PTPRE: variants seen among roughly 807,000 people sequenced by gnomAD.
PTPRE encodes receptor-type tyrosine-protein phosphatase epsilon.
PTPRE carries 51 observed loss-of-function variants against 102.0 expected under a neutral mutation model. That is an observed-to-expected ratio of 0.50 (90% CI 0.40 to 0.63). PTPRE has a LOEUF of 0.63. PTPRE is among the 30% of genes least tolerant of loss of function. The pLI is 0.00. For missense variants in PTPRE, 752 were observed against 915.1 expected, an observed-to-expected ratio of 0.82 and a Z score of 2.30; for synonymous variants, 345 against 348.2, an observed-to-expected ratio of 0.99 and a Z score of 0.10.
At chr10:128,025,757 G>A (rs1421341617) in intron 2 of PTPRE, among the ~76,000 whole-genome samples, 1 of 152,122 alleles carries the variant, frequency 6.6e-6, no homozygotes, top group East Asian at 1.9e-4. Context: ...TTGCCACCAG[G>A]ACCTGCTCCA....
At chr10:127,978,643 G>C (rs527989435) in intron 1 of PTPRE, among the ~76,000 whole-genome samples, 3 of 152,176 alleles carry the variant, frequency 2.0e-5, no homozygotes, top group Admixed American at 6.5e-5. Context: ...CAGCAGCCCC[G>C]GGCCGGCATT....
chr10:128,044,961 G>T (rs959079654), intron 3 of PTPRE, among the ~76,000 whole-genome samples: 1 of 152,236 alleles, frequency 6.6e-6, no homozygotes. Context: ...GGCACTGTGG[G>T]CACCCCTTGT....
rs1190165605 is a variant in PTPRE, at chr10:128,076,688, A to G, written c.1685A>G (p.Glu562Gly). 1 of 1,611,850 alleles carries G rather than the reference A, an allele frequency of 6.2e-7. No individual in the cohort carries two copies. Among genetic ancestry groups the G allele is most frequent in the Non-Finnish European group, 8.5e-7 (1 of 1,179,514 alleles). The stretch of plus-strand genomic sequence containing the variant: ...GAGATAAAGAATGATACCCTTTCAG[A>G]AGCCATCAGTATACGAGACTTTCTG... ...TIEIKNDTLS[E>G]AISIRDFLVT... Residue 562 changes from glutamate (E) to glycine (G), a missense_variant, in exon 18 of 21, where the codon GAA becomes GGA. This residue lies in a region of PTPRE where 636 missense variants were observed against 824.4 expected (regional missense o/e 0.77). Transcript: ENST00000254667.
chr10:127,994,177 C>T (rs1853006533), intron 2 of PTPRE, among the ~76,000 whole-genome samples: 1 of 152,206 alleles, frequency 6.6e-6, no homozygotes, highest in African/African-American at 2.4e-5. Flanking sequence ...GTTCCCGAAG[C>T]CCACCCTGAG....
chr10:127,963,572 G>A (rs1849996100), intron 1 of PTPRE, among the ~76,000 whole-genome samples: 1 of 152,220 alleles, frequency 6.6e-6, no homozygotes, highest in East Asian at 1.9e-4. Flanking sequence ...GCAGAGCCGA[G>A]TTGAGACATC....
intron 2 of PTPRE, among the ~76,000 whole-genome samples, chr10:128,015,776 A>C (rs1845374846): frequency 6.6e-6 from 1 of 152,156 alleles, no homozygotes; most frequent in South Asian, 2.1e-4. Context: ...TTGCAACTGC[A>C]CTGCAACCTG....
chr10:128,011,266 G>GA (rs1394180338), intron 2 of PTPRE, among the ~76,000 whole-genome samples: 1 of 152,210 alleles, frequency 6.6e-6, no homozygotes, highest in African/African-American at 2.4e-5. Context: ...GAATTCAGAT[G>GA]AATCTTAGAA....
chr10:128,053,647 T>C (rs1357105127), intron 6 of PTPRE, among the ~76,000 whole-genome samples: 1 of 152,226 alleles, frequency 6.6e-6, no homozygotes, highest in African/African-American at 2.4e-5. Flanking sequence ...CCCATCTCCA[T>C]GGTCTGGATC....
chr10:127,954,566 G>A lies in PTPRE; in HGVS notation c.-30-27708G>A, dbSNP rs117363496. On this transcript the variant is annotated intron_variant, in intron 1 of 20. Coordinates refer to ENST00000254667, the MANE Select transcript of PTPRE (RefSeq NM_006504.6). ...GTGCAGCAGTGGGCTCATGCTCGTG[G>A]AATTCACTAGTCTTACCATGTTCTT... Among the ~76,000 whole-genome samples the A allele has an allele frequency of 1.9e-3, 294 of 152,262 alleles. 1 individual carries two copies. The highest frequency in any genetic ancestry group is 3.4e-3 in the Middle Eastern group (1 of 294).
chr10:127,944,551 G>A lies in PTPRE; in HGVS notation c.-31+37242G>A, dbSNP rs541126195. Among the ~76,000 whole-genome samples, 29 of 152,198 alleles carry A rather than the reference G, an allele frequency of 1.9e-4. No individual in the cohort carries two copies. The highest frequency in any genetic ancestry group is 6.0e-4 in the African/African-American group (25 of 41,526). On this transcript the variant is annotated intron_variant, in intron 1 of 20. Transcript: ENST00000254667. The surrounding 1 kb of genome is among the most constrained non-coding windows in gnomAD (Gnocchi z 4.2). ...GGATAAATGGATGGATGGATAAGTG[G>A]ATGGATGGATGGGTGGATAGATGGA...
rs35065531 is a variant in PTPRE at position 128,085,058 on chromosome 10, CT to C, written c.*2157del. On this transcript the variant is annotated 3_prime_UTR_variant, in exon 21 of 21. Coordinates refer to ENST00000254667, the MANE Select transcript of PTPRE (RefSeq NM_006504.6). Reference sequence around the variant, plus strand: ...TGCAGGGGTTCTGCCTGTTCCCAAACTTTTTCCATTCCAGGAACAAAGGAGA... The same window carrying C: ...TGCAGGGGTTCTGCCTGTTCCCAAACTTTTCCATTCCAGGAACAAAGGAGA... 2.2e-6 allele frequency: 1 copy of C among 455,806 alleles called. No homozygotes were observed. Among genetic ancestry groups the C allele is most frequent in the Non-Finnish European group, 4.4e-6 (1 of 226,690 alleles). 28.2% of individuals were successfully genotyped at this position (455,806 alleles called of 1,614,324 possible). A position where few individuals can be genotyped will look rare whatever the true frequency, so the allele number is the denominator to read the frequency against.
At chr10:128,011,452 G>C (rs1370081290) in intron 2 of PTPRE, among the ~76,000 whole-genome samples, 1 of 152,232 alleles carries the variant, frequency 6.6e-6, no homozygotes. Context: ...GGTTCTGAGC[G>C]TGGCCTGGGC....
chr10:128,075,970 A>G lies in PTPRE; in HGVS notation c.1600-633A>G, dbSNP rs554098811. On this transcript the variant is annotated intron_variant, in intron 17 of 20. Coordinates refer to ENST00000254667, the MANE Select transcript of PTPRE (RefSeq NM_006504.6). ...TTTATTGGTTTTATGTATTGCAAAC[A>G]TCTTATTGCAATCTGTGGCGTGTCT... 8.5e-5 allele frequency among the ~76,000 whole-genome samples: 13 copies of G among 152,344 alleles called. No individual in the cohort carries two copies. The South Asian group carries it at 2.7e-3, about 32-fold the overall frequency.
At chr10:127,929,846 C>T (rs1395056686) in intron 1 of PTPRE, among the ~76,000 whole-genome samples, 3 of 151,966 alleles carry the variant, frequency 2.0e-5, no homozygotes, top group Admixed American at 6.6e-5. Flanking sequence ...CACTTGAGGT[C>T]GGGAGTTGGA....
chr10:127,958,303 C>T (rs1849547593), intron 1 of PTPRE, among the ~76,000 whole-genome samples: 1 of 152,182 alleles, frequency 6.6e-6, no homozygotes, highest in African/African-American at 2.4e-5. Flanking sequence ...TAGTTTCTTA[C>T]CATTAACGTA....
At chr10:128,019,641 T>C (rs376037458) in intron 2 of PTPRE, among the ~76,000 whole-genome samples, 4 of 110,676 alleles carry the variant, frequency 3.6e-5, no homozygotes, top group Non-Finnish European at 4.3e-5. Flanking sequence ...GCCCATTCAT[T>C]CATTCATTCA....
chr10:127,957,805 A>G (rs1589830656), intron 1 of PTPRE, among the ~76,000 whole-genome samples: 1 of 152,196 alleles, frequency 6.6e-6, no homozygotes, highest in Non-Finnish European at 1.5e-5. Context: ...TGACATCCTG[A>G]CAGTTTTAAA....
At chr10:128,034,781 TA>T (rs928120550) in intron 2 of PTPRE, among the ~76,000 whole-genome samples, 1 of 152,052 alleles carries the variant, frequency 6.6e-6, no homozygotes, top group Non-Finnish European at 1.5e-5. Context: ...AATGCTAATC[TA>T]AAAAAATGCA....
chr10:128,054,258 C>T (rs1168593818), intron 6 of PTPRE, among the ~76,000 whole-genome samples: 4 of 152,090 alleles, frequency 2.6e-5, no homozygotes, highest in South Asian at 2.1e-4. Context: ...GAAGTCCACA[C>T]GTCAGGGTTT....
Sources: gnomAD v4.1 joint callset for allele counts (sites outside exome capture counted in the v4.1 genomes callset) on GRCh38, gnomAD v4.1.1 for gene constraint, gnomAD v4.1.1 regional missense constraint, Gnocchi (gnomAD v3.1) non-coding constraint, MANE v1.5 for transcripts, NCBI Gene and HGNC (gene_info 2026-07-23, HGNC 2026-07-21) for gene names.